Variants in TULP4 observed in about 807,000 individuals in gnomAD.
TULP4 encodes the protein tubby-related protein 4.
Under a neutral mutation model 129.0 loss-of-function variants are expected in TULP4, and 16 were observed. That is an observed-to-expected ratio of 0.12 (90% confidence interval 0.08 to 0.19). TULP4 has a LOEUF of 0.19. TULP4 is among the 10% of genes least tolerant of loss of function. TULP4 has a pLI of 1.00. For synonymous variants in TULP4, 998 were observed against 854.0 expected (o/e 1.17, Z -2.94); for missense variants, 1,842 against 2,059.1 (o/e 0.89, Z 2.04).
At chr6:158,378,485 T>TTTTTTTTGTTG (rs1554285635) in intron 1 of TULP4, among the ~76,000 whole-genome samples, 1 of 51,288 alleles carries the variant, frequency 1.9e-5, no homozygotes, top group African/African-American at 7.7e-5. Context: ...TTTTTTTTTT[T>TTTTTTTTGTTG]GGTGGGGGTG....
rs556747472 is a variant in TULP4, at chr6:158,506,523, G to A, written c.4516-55G>A. The A allele has an allele frequency of 8.9e-5, 108 of 1,214,812 alleles. No homozygotes were observed. The East Asian group carries it at 2.2e-3, about 24-fold the overall frequency. 75.3% of individuals were successfully genotyped at this position (1,214,812 alleles called of 1,614,324 possible). A position where few individuals can be genotyped will look rare whatever the true frequency, so the allele number is the denominator to read the frequency against. ...TGGGACTACAGGCGTGAGCCACTGC[G>A]CCTGGCCTTTTCACCTTATTCTTTA... On this transcript the variant is annotated intron_variant, in intron 13 of 13. Transcript: ENST00000367097.
At position 158,459,441 on chromosome 6, in the gene TULP4, AAAG is replaced by A. The variant is rs1232319814; in HGVS notation, c.860-2118_860-2116del. On this transcript the variant is annotated intron_variant, in intron 5 of 13. Transcript: ENST00000367097. ...GTGAAACTCTGTCTCAAAAAAAAAA[AAAG>A]AAGTCCCTGAGAGTTTGCTTGTAAA... 2.0e-5 allele frequency among the ~76,000 whole-genome samples: 3 copies of A among 151,720 alleles called. No individual in the cohort carries two copies. The South Asian group carries it at 6.3e-4, about 32-fold the overall frequency.
chr6:158,275,336 A>T (rs1336283813), intron 1 of TULP4, among the ~76,000 whole-genome samples: 1 of 152,110 alleles, frequency 6.6e-6, no homozygotes, highest in Non-Finnish European at 1.5e-5. Context: ...GGTTCTGTGG[A>T]TAGTGGAAGA....
intron 1 of TULP4, among the ~76,000 whole-genome samples, chr6:158,253,200 G>A (rs1010857493): frequency 6.6e-6 from 1 of 152,196 alleles, no homozygotes; most frequent in Non-Finnish European, 1.5e-5. Context: ...ATATGTTGTT[G>A]CTGATTTTTA....
chr6:158,476,574 T>G (rs536342413), intron 6 of TULP4, among the ~76,000 whole-genome samples: 9 of 152,222 alleles, frequency 5.9e-5, no homozygotes, highest in Non-Finnish European at 1.3e-4. Flanking sequence ...GCGACTGTGT[T>G]CCGTGTTCAT....
At chr6:158,248,259 T>C (rs937869101) in intron 1 of TULP4, among the ~76,000 whole-genome samples, 1 of 150,916 alleles carries the variant, frequency 6.6e-6, no homozygotes, top group African/African-American at 2.4e-5. Flanking sequence ...CTGGACAACA[T>C]AGCCAGGCCT....
At position 158,378,297 on chromosome 6, in the gene TULP4, G is replaced by T. The variant is rs147875259; in HGVS notation, c.253-34768G>T. Among the ~76,000 whole-genome samples, 408 of 152,148 alleles carry T rather than the reference G, an allele frequency of 2.7e-3. 4 individuals carry two copies. The highest frequency in any genetic ancestry group is 9.2e-3 in the African/African-American group (381 of 41,506). ...TCACATTGCAAGGCGGGAAGAAGAT[G>T]AATTGTGACCATTTTTGCAATCTGC... On this transcript the variant is annotated intron_variant, in intron 1 of 13. Coordinates refer to ENST00000367097, the MANE Select transcript of TULP4 (RefSeq NM_020245.5).
rs71030149 is a variant in TULP4, at chr6:158,236,795, CTTTTTTTTTTTTT to C, written n.68+4516_68+4528del. The stretch of plus-strand genomic sequence containing the variant: ...AGATGGGTAAATGCCCAATTCTTTT[CTTTTTTTTTTTTT>C]TTTTTTTTTTTTTTTTTTTTTTTGA... On this transcript the variant is annotated intron_variant and non_coding_transcript_variant, in intron 1 of 1. Coordinates refer to the TULP4 transcript ENST00000620026. Among the ~76,000 whole-genome samples the C allele has an allele frequency of 8.5e-3, 539 of 63,288 alleles. 6 individuals are homozygous for C. The highest frequency in any genetic ancestry group is 0.023 in the African/African-American group (324 of 13,916). 41.5% of individuals were successfully genotyped at this position (63,288 alleles called of 152,430 possible).
At chr6:158,445,098 G>GC (rs1372878326) in intron 3 of TULP4, among the ~76,000 whole-genome samples, 2 of 152,240 alleles carry the variant, frequency 1.3e-5, no homozygotes, top group South Asian at 2.1e-4. Context: ...ACAGGTGTGA[G>GC]CCGTGGTGCC....
chr6:158,384,413 G>A (rs1476973094), intron 1 of TULP4, among the ~76,000 whole-genome samples: 5 of 150,926 alleles, frequency 3.3e-5, no homozygotes, highest in African/African-American at 4.9e-5. Context: ...TCAGCCTCCC[G>A]AGTAGCTGGG....
chr6:158,344,103 C>G (rs1221577396), intron 1 of TULP4, among the ~76,000 whole-genome samples: 2 of 152,196 alleles, frequency 1.3e-5, no homozygotes, highest in African/African-American at 4.8e-5. Context: ...CTCCTCCACC[C>G]TTAAGAATGT....
At chr6:158,385,140 C>T (rs1777410584) in intron 1 of TULP4, among the ~76,000 whole-genome samples, 1 of 152,104 alleles carries the variant, frequency 6.6e-6, no homozygotes, top group African/African-American at 2.4e-5. Flanking sequence ...CAGTAATTAC[C>T]AAGAAAAATA....
At chr6:158,425,223 C>T (rs1420761701) in intron 2 of TULP4, among the ~76,000 whole-genome samples, 1 of 137,636 alleles carries the variant, frequency 7.3e-6, no homozygotes, top group Non-Finnish European at 1.5e-5. Flanking sequence ...ATTAAAATGA[C>T]TGACAACAGG....
chr6:158,374,291 GAAAAAAA>G (rs11335189), intron 1 of TULP4, among the ~76,000 whole-genome samples: 12 of 124,712 alleles, frequency 9.6e-5, no homozygotes, highest in Admixed American at 1.7e-4. Context: ...TGTCTTTAAA[GAAAAAAA>G]AAAAAAAAAA....
chr6:158,462,405 G>A (rs1285178657), intron 6 of TULP4, among the ~76,000 whole-genome samples: 8 of 140,552 alleles, frequency 5.7e-5, no homozygotes, highest in Non-Finnish European at 1.2e-4. Flanking sequence ...TTTTTGAGAC[G>A]CTTTCTCACC....
At chr6:158,504,255 T>C in intron 13 of TULP4, 77 bp downstream of exon 13, 1 of 1,206,384 alleles carries the variant, frequency 8.3e-7, no homozygotes, top group South Asian at 1.6e-5. Context: ...GGAGCATTTT[T>C]CAAAAGGCCA....
At chr6:158,505,752 T>G (rs886465346) in intron 13 of TULP4, among the ~76,000 whole-genome samples, 1 of 152,196 alleles carries the variant, frequency 6.6e-6, no homozygotes, top group African/African-American at 2.4e-5. Context: ...TGGTGCTACT[T>G]CTCTTCTGGA....
upstream of TULP4, among the ~76,000 whole-genome samples, chr6:158,309,029 G>A (rs1407487908): frequency 7.6e-4 from 110 of 144,020 alleles, no homozygotes; most frequent in Non-Finnish European, 1.4e-3. Flanking sequence ...GCCTGGCGGG[G>A]GCTGACCCCC....
chr6:158,401,266 G>A (rs535169080), intron 1 of TULP4, among the ~76,000 whole-genome samples: 125 of 152,172 alleles, frequency 8.2e-4, no homozygotes, highest in African/African-American at 2.9e-3. Context: ...TAGAGACGGG[G>A]TTTCACCGTG....
Sources: allele counts gnomAD v4.1 joint callset (sites outside exome capture counted in the v4.1 genomes callset), GRCh38; gene constraint gnomAD v4.1.1; transcripts MANE v1.5; gene names NCBI Gene and HGNC (gene_info 2026-07-23, HGNC 2026-07-21).